The following REPS2 variants were observed in gnomAD, a reference collection of about 807,000 sequenced individuals.
REPS2 encodes the protein ralBP1-associated Eps domain-containing protein 2.
REPS2 carries 23 observed loss-of-function variants against 53.6 expected under a neutral mutation model. The ratio of observed to expected loss-of-function variants is 0.43; its 90% CI spans 0.31 to 0.61. The LOEUF is 0.61. Among genes scored for constraint, REPS2 ranks in the 20% least tolerant of loss-of-function variants. REPS2 has a pLI of 0.11. For missense variants in REPS2, 446 were observed against 534.9 expected (o/e 0.83, Z 1.64); for synonymous variants, 238 against 218.6 (o/e 1.09, Z -0.78).
chrX:17,100,407 A>G (rs1170642708), intron 13 of REPS2, among the ~76,000 whole-genome samples: 1 of 112,728 alleles, frequency 8.9e-6, no homozygotes, highest in African/African-American at 3.2e-5. Flanking sequence ...TGGGTCGGCC[A>G]GGGCAGTGGC....
intron 16 of REPS2, chrX:17,138,235 G>A (rs2063397730): frequency 8.9e-6 from 1 of 112,254 alleles, no homozygotes; most frequent in South Asian, 3.7e-4. Context: ...GGTTATGCGT[G>A]TTCTGTGAAT....
intron 5 of REPS2, among the ~76,000 whole-genome samples, chrX:17,041,023 T>C (rs148248371): frequency 1.8e-5 from 2 of 111,779 alleles, no homozygotes; most frequent in East Asian, 5.6e-4. Flanking sequence ...TTTAATGACT[T>C]TGCACAGTAG....
chrX:17,098,492 AT>A (rs2062738514), intron 13 of REPS2, among the ~76,000 whole-genome samples: 1 of 112,209 alleles, frequency 8.9e-6, no homozygotes, highest in Admixed American at 9.5e-5. Flanking sequence ...GCCTAAAAAG[AT>A]TTTACAATGT....
intron 1 of REPS2, among the ~76,000 whole-genome samples, chrX:16,999,591 A>T (rs967141918): frequency 7.2e-5 from 8 of 110,751 alleles, no homozygotes; most frequent in African/African-American, 2.6e-4. Context: ...TTCTAGCCCT[A>T]AATTAAATGG....
intron 15 of REPS2, among the ~76,000 whole-genome samples, chrX:17,134,635 G>GT (rs1382529495): frequency 1.0e-4 from 11 of 108,496 alleles, no homozygotes; most frequent in African/African-American, 1.7e-4. Flanking sequence ...TTTTGTTTTT[G>GT]TTTTTTTTTC....
In REPS2 at chrX:17,069,983, T is replaced by C; in HGVS notation, c.1323T>C (p.Ser441=). ...ATGAAGCCTTACCAAAGGACGTGTC[T>C]GAGGATCCAGGTAGGAGAAAACCAT... ...TINEALPKDV[S]EDPATPKDSN... The change falls in exon 11 of 18, where the codon TCT becomes TCC. Residue 441 remains serine (S), a synonymous_variant. Transcript: ENST00000357277. The C allele has an allele frequency of 1.8e-6, 2 of 1,120,380 alleles. No individual in the cohort carries two copies. The highest frequency in any genetic ancestry group is 2.3e-5 in the South Asian group (1 of 43,638). 92.3% of individuals were successfully genotyped at this position (1,120,380 alleles called of 1,213,427 possible). A position where few individuals can be genotyped will look rare whatever the true frequency, so the allele number is the denominator to read the frequency against.
At chrX:17,099,880 G>T in intron 13 of REPS2, 1 of 772,733 alleles carries the variant, frequency 1.3e-6, no homozygotes, top group Non-Finnish European at 2.0e-6. Flanking sequence ...TCCTTGGCAG[G>T]GACGAGGTCA....
intron 1 of REPS2, among the ~76,000 whole-genome samples, chrX:16,960,559 C>A (rs753707911): frequency 8.9e-6 from 1 of 112,061 alleles, no homozygotes; most frequent in South Asian, 3.7e-4. Flanking sequence ...AAACTGAAAG[C>A]TTTTTTTCTA....
chrX:17,049,679 AAGC>A (rs2061953435), intron 6 of REPS2, among the ~76,000 whole-genome samples: 1 of 111,367 alleles, frequency 9.0e-6, no homozygotes, highest in South Asian at 3.7e-4. Context: ...AATATGAAAT[AAGC>A]ACATCATGAA....
chrX:17,109,090 A>G (rs2062924265), intron 14 of REPS2, among the ~76,000 whole-genome samples: 1 of 110,907 alleles, frequency 9.0e-6, no homozygotes, highest in Non-Finnish European at 1.9e-5. Flanking sequence ...GTGTTCTGGA[A>G]GTGGCCATGG....
At chrX:17,052,136 G>T (rs2147930156) in intron 6 of REPS2, among the ~76,000 whole-genome samples, 1 of 112,234 alleles carries the variant, frequency 8.9e-6, no homozygotes, top group East Asian at 2.8e-4. Flanking sequence ...TAATTTATGT[G>T]ATTTGCATCT....
chrX:17,134,342 G>T (rs1010799712), intron 15 of REPS2, among the ~76,000 whole-genome samples: 3 of 111,345 alleles, frequency 2.7e-5, no homozygotes, highest in Middle Eastern at 4.2e-3. Context: ...CATGCCATTG[G>T]GTCACCTGTA....
At position 17,147,638 on chromosome X, in the gene REPS2, G is replaced by C; in HGVS notation, c.*157G>C. Reference sequence around the variant, plus strand: ...TGACCTTTTCTCTTGCACTTCACTTGTATGTTTTACTGTGGTGGAAAAAAT... The same window carrying C: ...TGACCTTTTCTCTTGCACTTCACTTCTATGTTTTACTGTGGTGGAAAAAAT... On this transcript the variant is annotated 3_prime_UTR_variant, in exon 18 of 18. Transcript: ENST00000357277. 2.6e-6 allele frequency: 1 copy of C among 388,002 alleles called. No homozygotes were observed. The highest frequency in any genetic ancestry group is 3.9e-5 in the East Asian group (1 of 25,501). The allele number at this position is 388,002 out of a possible 1,213,427, so 32.0% of individuals were successfully genotyped here. A position where few individuals can be genotyped will look rare whatever the true frequency, so the allele number is the denominator to read the frequency against.
At chrX:16,961,812 C>T (rs1050586160) in intron 1 of REPS2, among the ~76,000 whole-genome samples, 1 of 111,409 alleles carries the variant, frequency 9.0e-6, no homozygotes, top group South Asian at 3.7e-4. Context: ...ATGAATAACC[C>T]GATTAAAAAA....
At chrX:17,074,211 T>A in intron 12 of REPS2, 52 bp downstream of exon 12, 1 of 1,099,668 alleles carries the variant, frequency 9.1e-7, no homozygotes, top group Non-Finnish European at 1.2e-6. Flanking sequence ...TGCCCCTGCC[T>A]AGAAATAAGA....
chrX:16,966,349 A>G lies in REPS2; in HGVS notation c.273+19215A>G, dbSNP rs376714965. Among the ~76,000 whole-genome samples, 12 of 112,196 alleles carry G rather than the reference A, an allele frequency of 1.1e-4. No homozygotes were observed. In the South Asian group the frequency reaches 1.9e-3, roughly 17 times the overall value. ...AAATTTGAGACCTAAAAGTAATACA[A>G]TTTGAGTATCTCATATCTGAAATGC... is the stretch of plus-strand genomic sequence containing the variant. On this transcript the variant is annotated intron_variant, in intron 1 of 17. Coordinates refer to ENST00000357277, the MANE Select transcript of REPS2 (RefSeq NM_004726.3).
At chrX:17,082,398 T>C (rs1907835157) in intron 13 of REPS2, among the ~76,000 whole-genome samples, 1 of 112,081 alleles carries the variant, frequency 8.9e-6, no homozygotes, top group South Asian at 3.7e-4. Context: ...CGTTTCTTAC[T>C]GCAAAAAAGG....
chrX:17,030,341 G>GTGTT (rs1204280017), intron 5 of REPS2, among the ~76,000 whole-genome samples: 2 of 110,487 alleles, frequency 1.8e-5, no homozygotes, highest in Admixed American at 1.9e-4. Context: ...GTGTGTGTGT[G>GTGTT]TGCACGCGCG....
intron 5 of REPS2, among the ~76,000 whole-genome samples, chrX:17,031,775 G>A (rs1477345773): frequency 2.7e-5 from 3 of 111,623 alleles, no homozygotes; most frequent in Non-Finnish European, 5.6e-5. Flanking sequence ...GTGGGAGTGC[G>A]GGAGCAAGGT....
Sources: allele counts gnomAD v4.1 joint callset (sites outside exome capture counted in the v4.1 genomes callset), GRCh38; gene constraint gnomAD v4.1.1; transcripts MANE v1.5; gene names NCBI Gene and HGNC (gene_info 2026-07-23, HGNC 2026-07-21).